The following NAB1 variants were observed in gnomAD, a reference collection of about 807,000 sequenced individuals.
NAB1 encodes the protein NGFI-A-binding protein 1.
Under a neutral mutation model 49.9 loss-of-function variants are expected in NAB1, and 25 were observed. The ratio of observed to expected loss-of-function variants is 0.50; its 90% confidence interval spans 0.37 to 0.70. The LOEUF (loss-of-function observed/expected upper bound fraction) is 0.70. NAB1 is among the 30% of genes least tolerant of loss of function. The pLI is 0.00. For missense variants in NAB1, 489 were observed against 575.9 expected (o/e 0.85, Z 1.54); for synonymous variants, 198 against 215.6 (o/e 0.92, Z 0.71).
intron 2 of NAB1, among the ~76,000 whole-genome samples, chr2:190,653,178 G>A (rs1693754241): frequency 6.6e-6 from 1 of 152,084 alleles, no homozygotes; most frequent in East Asian, 1.9e-4. Context: ...TCAGGCCCCT[G>A]TACCTTCAAG....
intron 4 of NAB1, among the ~76,000 whole-genome samples, chr2:190,664,586 CTTTTTTTTTTTT>C (rs71027237): frequency 6.5e-5 from 4 of 61,154 alleles, no homozygotes; most frequent in South Asian, 1.9e-3. Context: ...TTCTTCTTTC[CTTTTTTTTTTTT>C]TTTTTTTTTT....
chr2:190,673,249 C>A, intron 6 of NAB1, 97 bp downstream of exon 6: 1 of 1,101,308 alleles, frequency 9.1e-7, no homozygotes, highest in Non-Finnish European at 1.4e-6. Flanking sequence ...AAGATGGTCC[C>A]ATAAACTAGT....
At position 190,659,534 on chromosome 2, in the gene NAB1, G is replaced by A. The variant is rs200434948; in HGVS notation, c.358G>A (p.Ala120Thr). Residue 120 changes from alanine (A) to threonine (T), a missense_variant, in exon 4 of 10, where the codon GCC becomes ACC. This residue lies in a region of NAB1 where 204 missense variants were observed against 220.9 expected (regional missense o/e 0.92). Transcript: ENST00000337386. This position sits in a 1 kb window ranked among gnomAD's most constrained non-coding sequence, Gnocchi z 6.2. ...SCSSYERSSN[A>T]REPHLKIPKC... ...CAGTAGTTATGAAAGGAGTAGCAAT[G>A]CCCGGGAACCTCATTTAAAAATCCC... 6.2e-7 allele frequency: 1 copy of A among 1,614,202 alleles called. No homozygotes were observed. The highest frequency in any genetic ancestry group is 8.5e-7 in the Non-Finnish European group (1 of 1,180,030).
chr2:190,671,643 T>C (rs185828310), intron 5 of NAB1, among the ~76,000 whole-genome samples: 1 of 152,258 alleles, frequency 6.6e-6, no homozygotes, highest in Admixed American at 6.5e-5. Context: ...TTGTATAACA[T>C]GTAAGGCTAA....
Position 190,682,298 on chromosome 2 carries a change from T to C in NAB1, c.1006-1440T>C, listed in dbSNP as rs539649747. On this transcript the variant is annotated intron_variant, in intron 6 of 9. Coordinates refer to ENST00000337386, the MANE Select transcript of NAB1 (RefSeq NM_005966.4). The surrounding 1 kb of genome is among the most constrained non-coding windows in gnomAD (Gnocchi z 4.1). ...CATTTGGTCCTCACAACAATCCTAATAGATAGGTTCTCCTATCCTCAATTT... is the reference window on the plus strand; with the variant it reads ...CATTTGGTCCTCACAACAATCCTAACAGATAGGTTCTCCTATCCTCAATTT... 2.0e-5 allele frequency among the ~76,000 whole-genome samples: 3 copies of C among 152,320 alleles called. No homozygotes were observed. The highest frequency in any genetic ancestry group is 4.1e-4 in the South Asian group (2 of 4,824).
intron 6 of NAB1, among the ~76,000 whole-genome samples, chr2:190,681,274 A>T (rs1008075414): frequency 2.0e-5 from 3 of 152,226 alleles, no homozygotes; most frequent in African/African-American, 7.2e-5. Flanking sequence ...GAACATAGGG[A>T]CTGGTATATT....
rs1574464245 is a variant in NAB1 at position 190,676,797 on chromosome 2, T to C, written c.1005+3645T>C. ...CAAACTAATGAGACAAGTTTTTCTC[T>C]TTTTTCAAATCTTTAAGTGTTCTAA... On this transcript the variant is annotated intron_variant, in intron 6 of 9. Coordinates refer to ENST00000337386, the MANE Select transcript of NAB1 (RefSeq NM_005966.4). This position sits in a 1 kb window ranked among gnomAD's most constrained non-coding sequence, Gnocchi z 4.6. 6.6e-6 allele frequency: 1 copy of C among 152,220 alleles called. No individual in the cohort carries two copies. The highest frequency in any genetic ancestry group is 2.4e-5 in the African/African-American group (1 of 41,464). The allele number at this position is 152,220 out of a possible 1,614,324, so 9.4% of individuals were successfully genotyped here.
At position 190,660,135 on chromosome 2, in the gene NAB1, T is replaced by G; in HGVS notation, c.819+140T>G. On this transcript the variant is annotated intron_variant, in intron 4 of 9. Coordinates refer to ENST00000337386, the MANE Select transcript of NAB1 (RefSeq NM_005966.4). The stretch of plus-strand genomic sequence containing the variant: ...AAAACATTGAGGTGTTAGCAACATG[T>G]AGCACTTTTGTGAAAATAGACCATA... 3 of 712,352 alleles carry G rather than the reference T, an allele frequency of 4.2e-6. No individual in the cohort carries two copies. In the South Asian group the frequency reaches 5.7e-5, roughly 14 times the overall value. The allele number at this position is 712,352 out of a possible 1,614,324, so 44.1% of individuals were successfully genotyped here. A position where few individuals can be genotyped will look rare whatever the true frequency, so the allele number is the denominator to read the frequency against.
chr2:190,653,169 C>A (rs577965869), intron 2 of NAB1, among the ~76,000 whole-genome samples: 129 of 152,304 alleles, frequency 8.5e-4, no homozygotes, highest in African/African-American at 3.0e-3. Flanking sequence ...ACCCTTCTCT[C>A]AGGCCCCTGT....
In NAB1 at chr2:190,679,166, C is replaced by T. The variant is rs970582048; in HGVS notation, c.1006-4572C>T. ...AGCTGGTGCCTGGGAAACAAGCTTA[C>T]GAGACATAACGAAATTGTGCACCAC... is the stretch of plus-strand genomic sequence containing the variant. On this transcript the variant is annotated intron_variant, in intron 6 of 9. Transcript: ENST00000337386. This position sits in a 1 kb window ranked among gnomAD's most constrained non-coding sequence, Gnocchi z 5.3. 3.9e-5 allele frequency among the ~76,000 whole-genome samples: 6 copies of T among 152,192 alleles called. No homozygotes were observed. Among genetic ancestry groups the T allele is most frequent in the African/African-American group, 9.7e-5 (4 of 41,444 alleles).
At chr2:190,655,094 A>T (rs1023640171) in intron 2 of NAB1, among the ~76,000 whole-genome samples, 1 of 152,244 alleles carries the variant, frequency 6.6e-6, no homozygotes, top group Non-Finnish European at 1.5e-5. Flanking sequence ...ATAGCTTTTT[A>T]AATAAAAACT....
chr2:190,653,358 A>G (rs1313598752), intron 2 of NAB1, among the ~76,000 whole-genome samples: 2 of 152,194 alleles, frequency 1.3e-5, no homozygotes, highest in Non-Finnish European at 2.9e-5. Context: ...ATTTACCTTT[A>G]TCTGTAAATG....
intron 6 of NAB1, among the ~76,000 whole-genome samples, chr2:190,681,216 A>G (rs1479590058): frequency 6.6e-6 from 1 of 152,244 alleles, no homozygotes; most frequent in Non-Finnish European, 1.5e-5. Context: ...AAGGAAACCC[A>G]GTCTTGTCTG....
chr2:190,655,112 A>G (rs1559223364), intron 2 of NAB1, among the ~76,000 whole-genome samples: 1 of 152,234 alleles, frequency 6.6e-6, no homozygotes, highest in Non-Finnish European at 1.5e-5. Flanking sequence ...ACTTGCAAAT[A>G]TTTATGACTA....
At position 190,691,987 on chromosome 2, in the gene NAB1, C is replaced by T. The variant is rs1163797547; in HGVS notation, c.*1654C>T. 2 of 152,318 alleles carry T rather than the reference C, an allele frequency of 1.3e-5. No individual in the cohort carries two copies. The highest frequency in any genetic ancestry group is 2.4e-5 in the African/African-American group (1 of 41,356). The allele number at this position is 152,318 out of a possible 1,614,324, so 9.4% of individuals were successfully genotyped here. On this transcript the variant is annotated 3_prime_UTR_variant, in exon 10 of 10. Coordinates refer to ENST00000337386, the MANE Select transcript of NAB1 (RefSeq NM_005966.4). This position sits in a 1 kb window ranked among gnomAD's most constrained non-coding sequence, Gnocchi z 4.1. Reference sequence around the variant, plus strand: ...TTTATACTGTTAAAAGGCTTTTTTCCCCTTCCTAAATGTTTTAATTGTACC... The same window carrying T: ...TTTATACTGTTAAAAGGCTTTTTTCTCCTTCCTAAATGTTTTAATTGTACC...
chr2:190,688,817 T>C (rs931632953), intron 9 of NAB1, among the ~76,000 whole-genome samples: 17 of 151,712 alleles, frequency 1.1e-4, no homozygotes, highest in Non-Finnish European at 2.1e-4. Flanking sequence ...TTCTTTTCTT[T>C]CCTTTCTTTC....
At chr2:190,683,481 T>C (rs539621550) in intron 6 of NAB1, among the ~76,000 whole-genome samples, 9 of 152,010 alleles carry the variant, frequency 5.9e-5, no homozygotes, top group Admixed American at 2.6e-4. Flanking sequence ...TTATCAATGA[T>C]CATAAAGCCT....
chr2:190,658,623 A>G (rs1204997989), intron 3 of NAB1, among the ~76,000 whole-genome samples: 1 of 152,152 alleles, frequency 6.6e-6, no homozygotes, highest in Non-Finnish European at 1.5e-5. Flanking sequence ...TTCATACTGA[A>G]ATCTATCTTC....
chr2:190,661,823 A>T (rs920215766), intron 4 of NAB1, among the ~76,000 whole-genome samples: 1 of 152,204 alleles, frequency 6.6e-6, no homozygotes, highest in African/African-American at 2.4e-5. Flanking sequence ...GTACTCCAGT[A>T]TGTGAATCTG....
Sources: gnomAD v4.1 joint callset for allele counts (sites outside exome capture counted in the v4.1 genomes callset) on GRCh38, gnomAD v4.1.1 for gene constraint, gnomAD v4.1.1 regional missense constraint, Gnocchi (gnomAD v3.1) non-coding constraint, MANE v1.5 for transcripts, NCBI Gene and HGNC (gene_info 2026-07-23, HGNC 2026-07-21) for gene names.